The following OTUD7B variants were observed in gnomAD, a reference collection of about 807,000 sequenced individuals.
OTUD7B encodes OTU deubiquitinase 7B, also known as OTU domain-containing protein 7B.
OTUD7B carries 34 observed loss-of-function variants against 82.2 expected under a neutral mutation model. The observed-to-expected ratio is 0.41, with a 90% CI of 0.31 to 0.55. The LOEUF is 0.55. Ranked by LOEUF, OTUD7B falls within the 20% of genes least tolerant of loss-of-function variation. OTUD7B has a pLI of 0.20. For missense variants in OTUD7B, 944 were observed against 1,062.1 expected (o/e 0.89, Z 1.55); for synonymous variants, 398 against 402.7 (o/e 0.99, Z 0.14).
the OTUD7B span, among the ~76,000 whole-genome samples, chr1:150,035,495 C>T: frequency 5.3e-5 from 8 of 152,162 alleles, no homozygotes; most frequent in Non-Finnish European, 1.2e-4. Context: ...TAACACAGAA[C>T]CATCAGCTGC....
chr1:150,031,938 T>C, the OTUD7B span, among the ~76,000 whole-genome samples: 5 of 152,296 alleles, frequency 3.3e-5, no homozygotes, highest in East Asian at 5.8e-4. Context: ...AGAAGAGATA[T>C]AACTATAAAC....
chr1:149,943,779 TG>T lies in OTUD7B; in HGVS notation c.*77del. 7.2e-7 allele frequency: 1 copy of T among 1,389,938 alleles called. No homozygotes were observed. Among genetic ancestry groups the T allele is most frequent in the South Asian group, 1.3e-5 (1 of 78,982 alleles). The allele number at this position is 1,389,938 out of a possible 1,614,324, so 86.1% of individuals were successfully genotyped here. On this transcript the variant is annotated 3_prime_UTR_variant, in exon 12 of 12. Transcript: ENST00000581312. The stretch of plus-strand genomic sequence containing the variant: ...CATTACTGCATTTTCCCCCTCAACA[TG>T]GGGACTGTGTTCTTGATGAGCCAAT...
the OTUD7B span, among the ~76,000 whole-genome samples, chr1:150,026,190 A>G: frequency 6.6e-6 from 1 of 152,212 alleles, no homozygotes. Flanking sequence ...GCTTACATCC[A>G]TTGGCCAGAA....
upstream of OTUD7B, among the ~76,000 whole-genome samples, chr1:150,014,001 C>T (rs12142374): frequency 1.5e-5 from 2 of 132,404 alleles, no homozygotes; most frequent in African/African-American, 2.7e-5. Context: ...TATATACACA[C>T]ATATATATAC....
chr1:149,947,152 C>T (rs1021523796), intron 11 of OTUD7B, 99 bp downstream of exon 11: 1 of 682,678 alleles, frequency 1.5e-6, no homozygotes, highest in Non-Finnish European at 2.7e-6. Flanking sequence ...TAAGCCACCA[C>T]TCAGAATAGA....
At chr1:150,050,808 A>C in the OTUD7B span, among the ~76,000 whole-genome samples, 5 of 152,148 alleles carry the variant, frequency 3.3e-5, no homozygotes, top group South Asian at 8.3e-4. Context: ...TGCTGAAAAA[A>C]TCCAAACCCA....
upstream of OTUD7B, among the ~76,000 whole-genome samples, chr1:150,011,310 TTTG>T (rs1238643539): frequency 3.3e-5 from 5 of 152,124 alleles, no homozygotes; most frequent in Non-Finnish European, 7.3e-5. Flanking sequence ...ACATAGTGCG[TTTG>T]TTATGTCTTC....
the OTUD7B span, among the ~76,000 whole-genome samples, chr1:150,060,471 C>T: frequency 1.8e-4 from 27 of 152,170 alleles, no homozygotes; most frequent in Admixed American, 1.6e-3. Flanking sequence ...CAACCTTTGA[C>T]ACTTGACCTT....
chr1:150,016,688 G>A, the OTUD7B span, among the ~76,000 whole-genome samples: 2 of 152,020 alleles, frequency 1.3e-5, no homozygotes, highest in Non-Finnish European at 2.9e-5. Flanking sequence ...CTGACCTCAG[G>A]TGATCCACCC....
rs1308729865 is a variant in OTUD7B, at chr1:149,950,131, G to A, written c.936C>T (p.Val312=). The A allele has an allele frequency of 4.3e-6, 7 of 1,613,966 alleles. No homozygotes were observed. Among genetic ancestry groups the A allele is most frequent in the African/African-American group, 4.0e-5 (3 of 74,896 alleles). Residue 312 remains valine, a synonymous_variant, in exon 8 of 12, where the codon GTC becomes GTT. Transcript: ENST00000581312. ...AGTCCCTCAGCATGGTGTCTGCCAC[G>A]ACGACTATGGGCCTCCTAAGCACAT... ...LAHVLRRPIV[V]VADTMLRDSG...
At position 149,938,057 on chromosome 1, in the gene OTUD7B, A is replaced by G. The variant is rs1553769582; in HGVS notation, c.*5800T>C. The G allele has an allele frequency of 1.3e-5, 2 of 152,294 alleles. No homozygotes were observed. Among genetic ancestry groups the G allele is most frequent in the Non-Finnish European group, 1.5e-5 (1 of 68,064 alleles). The allele number at this position is 152,294 out of a possible 1,614,324, so 9.4% of individuals were successfully genotyped here. ...GCTAAGAAGGTGGCCCAGAAGCCTG[A>G]TTCTAGAAGTCCTAAAGGCTACAGA... is the stretch of plus-strand genomic sequence containing the variant. On this transcript the variant is annotated 3_prime_UTR_variant, in exon 12 of 12. Transcript: ENST00000581312.
chr1:149,957,831 G>A (rs1300662353), intron 7 of OTUD7B, among the ~76,000 whole-genome samples: 2 of 152,186 alleles, frequency 1.3e-5, no homozygotes, highest in African/African-American at 2.4e-5. Context: ...GGGACCCTCC[G>A]AGCCAGGCAC....
At chr1:149,981,002 G>T (rs1650684172) in intron 1 of OTUD7B, among the ~76,000 whole-genome samples, 1 of 110,940 alleles carries the variant, frequency 9.0e-6, no homozygotes, top group African/African-American at 3.6e-5. Flanking sequence ...GCAACAGAGT[G>T]AGACCCTGTT....
At chr1:150,022,897 C>T in the OTUD7B span, among the ~76,000 whole-genome samples, 1 of 152,226 alleles carries the variant, frequency 6.6e-6, no homozygotes, top group Non-Finnish European at 1.5e-5. Flanking sequence ...GCAGCCACAG[C>T]AACCACAGCA....
the OTUD7B span, among the ~76,000 whole-genome samples, chr1:150,056,518 T>C: frequency 6.6e-6 from 1 of 152,178 alleles, no homozygotes; most frequent in Non-Finnish European, 1.5e-5. Flanking sequence ...ACTTGTATTA[T>C]CTCAATTCTC....
the OTUD7B span, among the ~76,000 whole-genome samples, chr1:150,059,293 T>TC: frequency 0.013 from 84 of 6,558 alleles, no homozygotes; most frequent in South Asian, 0.025. Context: ...GACCTCGTGA[T>TC]CCACCCCCCC....
intron 11 of OTUD7B, among the ~76,000 whole-genome samples, chr1:149,945,479 A>G (rs1224509435): frequency 2.0e-5 from 3 of 152,168 alleles, no homozygotes; most frequent in Admixed American, 1.3e-4. Flanking sequence ...TTTATTATAC[A>G]TTTCTCTATG....
the OTUD7B span, among the ~76,000 whole-genome samples, chr1:150,026,587 T>G: frequency 1.3e-5 from 2 of 152,156 alleles, no homozygotes; most frequent in Non-Finnish European, 2.9e-5. Context: ...ATAGTCCAAA[T>G]GTGACCTATG....
Position 149,977,499 on chromosome 1 carries a change from G to A in OTUD7B, c.12C>T (p.Asp4=). Reference sequence around the variant, plus strand: ...CAAAATCTGACAGAACAGCATCCATGTCCAGGGTCATGTGATCCTCAAGTA... The same window carrying A: ...CAAAATCTGACAGAACAGCATCCATATCCAGGGTCATGTGATCCTCAAGTA... The part of the protein sequence containing the change: MTL[D]MDAVLSDFVR... Residue 4 remains aspartate (D), a synonymous_variant, in exon 2 of 12, where the codon GAC becomes GAT. Transcript: ENST00000581312. 6.2e-7 allele frequency: 1 copy of A among 1,613,960 alleles called. No individual in the cohort carries two copies.
Sources: allele counts gnomAD v4.1 joint callset (sites outside exome capture counted in the v4.1 genomes callset), GRCh38; gene constraint gnomAD v4.1.1; transcripts MANE v1.5; gene names NCBI Gene and HGNC (gene_info 2026-07-23, HGNC 2026-07-21).